FBXO31: variants seen among roughly 807,000 people sequenced by gnomAD.
FBXO31 encodes the protein F-box protein 31, also known as F-box only protein 31.
In FBXO31, 24 loss-of-function variants were observed where a neutral mutation model predicts 54.4. The observed-to-expected ratio is 0.44, with a 90% confidence interval of 0.32 to 0.62. The LOEUF is 0.62. FBXO31 is among the 20% of genes least tolerant of loss of function. The pLI is 0.05. For missense variants in FBXO31, 665 were observed against 787.1 expected, an observed-to-expected ratio of 0.84 and a Z score of 1.86; for synonymous variants, 388 against 335.6, an observed-to-expected ratio of 1.16 and a Z score of -1.71.
intron 1 of FBXO31, among the ~76,000 whole-genome samples, chr16:87,376,588 G>C (rs574862350): frequency 6.6e-4 from 100 of 152,216 alleles, no homozygotes; most frequent in Non-Finnish European, 9.6e-4. Context: ...TTATTAAATG[G>C]CAGAAAGTAT....
chr16:87,333,426 C>CG (rs1318164138), intron 8 of FBXO31, among the ~76,000 whole-genome samples: 2 of 151,816 alleles, frequency 1.3e-5, no homozygotes, highest in African/African-American at 4.8e-5. Context: ...CAAAGGTGAC[C>CG]GGCAAGACGC....
At chr16:87,391,206 C>G (rs1907531826), upstream of FBXO31, among the ~76,000 whole-genome samples, 1 of 152,120 alleles carries the variant, frequency 6.6e-6, no homozygotes, top group Non-Finnish European at 1.5e-5. Flanking sequence ...TCTCGGGAGG[C>G]TGAGGCAGGA....
chr16:87,343,135 C>A (rs1905244920), intron 4 of FBXO31, among the ~76,000 whole-genome samples, 184 bp from the exon 5 acceptor site: 1 of 152,224 alleles, frequency 6.6e-6, no homozygotes, highest in Non-Finnish European at 1.5e-5. Flanking sequence ...GCAACACTCC[C>A]CCAAGAGCAG....
intron 1 of FBXO31, among the ~76,000 whole-genome samples, chr16:87,361,307 G>T (rs1485148042): frequency 2.0e-5 from 3 of 152,188 alleles, no homozygotes; most frequent in Non-Finnish European, 4.4e-5. Context: ...CTCCACAAAG[G>T]ACCTGGAGCT....
intron 2 of FBXO31, among the ~76,000 whole-genome samples, chr16:87,351,440 G>A (rs752064416): frequency 2.8e-4 from 42 of 152,122 alleles, no homozygotes; most frequent in Non-Finnish European, 4.7e-4. Flanking sequence ...AACGTTCCCC[G>A]CACTTCAGTG....
chr16:87,380,048 C>G (rs1907006765), intron 1 of FBXO31, among the ~76,000 whole-genome samples: 1 of 147,388 alleles, frequency 6.8e-6, no homozygotes, highest in Admixed American at 6.7e-5. Flanking sequence ...GCCTGTAATC[C>G]CAGCACTTTG....
chr16:87,376,314 C>G (rs1387093706), intron 1 of FBXO31, among the ~76,000 whole-genome samples: 1 of 151,438 alleles, frequency 6.6e-6, no homozygotes, highest in Admixed American at 6.6e-5. Flanking sequence ...TACTCTGTCG[C>G]CCAGGCTGGA....
intron 2 of FBXO31, among the ~76,000 whole-genome samples, chr16:87,351,594 G>C (rs2150680084): frequency 6.6e-6 from 1 of 152,282 alleles, no homozygotes; most frequent in East Asian, 1.9e-4. Context: ...GCTGGGTGCG[G>C]TGGCTCACTC....
At chr16:87,349,973 G>C (rs1320452426) in intron 2 of FBXO31, among the ~76,000 whole-genome samples, 8 of 151,706 alleles carry the variant, frequency 5.3e-5, no homozygotes, top group African/African-American at 1.5e-4. Context: ...AGACAATTTA[G>C]AAAAAGGAAA....
chr16:87,369,491 G>A (rs927392737), intron 1 of FBXO31, among the ~76,000 whole-genome samples: 20 of 152,162 alleles, frequency 1.3e-4, no homozygotes, highest in African/African-American at 2.7e-4. Flanking sequence ...CTTCAGCTGC[G>A]TGCATCATCA....
chr16:87,361,354 A>C (rs1906123098), intron 1 of FBXO31, among the ~76,000 whole-genome samples: 1 of 152,252 alleles, frequency 6.6e-6, no homozygotes, highest in Non-Finnish European at 1.5e-5. Context: ...AGCCTAGATC[A>C]AAAAGCTTCC....
In FBXO31 at chr16:87,335,917, G is replaced by A. The variant is rs532276640; in HGVS notation, c.842+238C>T. ...TGCCACAGCAGCTACAGGGAGGCCT[G>A]CACTCCCAGCACCCACAGAGAGAGG... On this transcript the variant is annotated intron_variant, in intron 6 of 8. Coordinates refer to ENST00000311635, the MANE Select transcript of FBXO31 (RefSeq NM_024735.5). The surrounding 1 kb of genome is among the most constrained non-coding windows in gnomAD (Gnocchi z 5.7). Among the ~76,000 whole-genome samples the A allele has an allele frequency of 6.6e-6, 1 of 152,182 alleles. No homozygotes were observed. Among genetic ancestry groups the A allele is most frequent in the Admixed American group, 6.5e-5 (1 of 15,298 alleles).
chr16:87,383,436 G>T lies in FBXO31; in HGVS notation c.309C>A (p.Thr103=). The T allele has an allele frequency of 6.3e-7, 1 of 1,582,810 alleles. No homozygotes were observed. The highest frequency in any genetic ancestry group is 8.6e-7 in the Non-Finnish European group (1 of 1,168,804). The change falls in exon 1 of 9, where the codon ACC becomes ACA. Residue 103 remains threonine, a synonymous_variant. Transcript: ENST00000311635. This position sits in a 1 kb window ranked among gnomAD's most constrained non-coding sequence, Gnocchi z 4.9. ...GGCAACGCCTCCTCCAGATGGTGTCGGTGTGGAGGATGCGCCGGAACTTCG... is the reference window on the plus strand; with the variant it reads ...GGCAACGCCTCCTCCAGATGGTGTCTGTGTGGAGGATGCGCCGGAACTTCG... ...VCTKFRRILH[T]DTIWRRRCRE...
At chr16:87,331,758 C>T (rs762749644) in intron 8 of FBXO31, among the ~76,000 whole-genome samples, 9 of 152,204 alleles carry the variant, frequency 5.9e-5, no homozygotes, top group South Asian at 2.1e-4. Context: ...GGCCAGAGCT[C>T]GGGGCTGCTC....
chr16:87,383,394 C>G lies in FBXO31; in HGVS notation c.340+11G>C, dbSNP rs1391976087. On this transcript the variant is annotated intron_variant, in intron 1 of 8. Transcript: ENST00000311635. This position sits in a 1 kb window ranked among gnomAD's most constrained non-coding sequence, Gnocchi z 4.9. ...CCGCCCCTCCCGGCCCCGCCACCCC[C>G]GCGCGCTCACCCTCACGGCAACGCC... 2 of 1,531,414 alleles carry G rather than the reference C, an allele frequency of 1.3e-6. No individual in the cohort carries two copies. The highest frequency in any genetic ancestry group is 4.1e-5 in the Admixed American group (2 of 49,286). The allele number at this position is 1,531,414 out of a possible 1,614,324, so 94.9% of individuals were successfully genotyped here. A position where few individuals can be genotyped will look rare whatever the true frequency, so the allele number is the denominator to read the frequency against.
intron 1 of FBXO31, among the ~76,000 whole-genome samples, chr16:87,380,428 G>A (rs890590091): frequency 2.6e-5 from 4 of 151,938 alleles, no homozygotes; most frequent in African/African-American, 9.7e-5. Flanking sequence ...TTGCGAAAGG[G>A]TCTCACTCTG....
intron 1 of FBXO31, among the ~76,000 whole-genome samples, chr16:87,363,464 G>C (rs962572061): frequency 1.3e-5 from 2 of 152,158 alleles, no homozygotes; most frequent in African/African-American, 4.8e-5. Flanking sequence ...GGGTGACCTG[G>C]GGCATCTGAG....
intron 1 of FBXO31, among the ~76,000 whole-genome samples, chr16:87,378,531 C>T (rs1906928433): frequency 6.6e-6 from 1 of 152,248 alleles, no homozygotes; most frequent in Non-Finnish European, 1.5e-5. Flanking sequence ...CCTTCTGGGA[C>T]TTGCCCATCC....
chr16:87,355,449 T>C (rs764020777), intron 2 of FBXO31, among the ~76,000 whole-genome samples: 1 of 152,218 alleles, frequency 6.6e-6, no homozygotes, highest in African/African-American at 2.4e-5. Flanking sequence ...GTTGAGGCTG[T>C]TGAAATTGGC....
Sources: gnomAD v4.1 joint callset for allele counts (sites outside exome capture counted in the v4.1 genomes callset) on GRCh38, gnomAD v4.1.1 for gene constraint, Gnocchi (gnomAD v3.1) non-coding constraint, MANE v1.5 for transcripts, NCBI Gene and HGNC (gene_info 2026-07-23, HGNC 2026-07-21) for gene names.